The following PCNX2 variants were observed in gnomAD, a reference collection of about 807,000 sequenced individuals.
PCNX2 encodes the protein pecanex 2, also known as pecanex-like protein 2.
PCNX2 carries 168 observed loss-of-function variants against 223.8 expected under a neutral mutation model. The observed-to-expected ratio is 0.75, with a 90% CI of 0.66 to 0.85. The LOEUF (loss-of-function observed/expected upper bound fraction) is 0.85, where lower values mean the gene tolerates loss of function less well. Ranked by LOEUF, PCNX2 falls within the 40% of genes least tolerant of loss-of-function variation. The pLI is 0.00. For missense variants in PCNX2, 2,507 were observed against 2,675.5 expected, an observed-to-expected ratio of 0.94 and a Z score of 1.39; for synonymous variants, 1,006 against 1,052.6, an observed-to-expected ratio of 0.96 and a Z score of 0.86.
Position 233,090,187 on chromosome 1 carries a change from G to C in PCNX2, c.3950C>G (p.Ser1317Cys). The part of the protein sequence containing the change: ...VFAQLFAIPH[S>C]AMLFFQTIAT... ...AATCGTCTGAAAGAAAAGCATGGCA[G>C]AATCTGAGAATGTTGAGTTAAGGCA... Residue 1317 changes from serine (S) to cysteine (C), a missense_variant, in exon 23 of 34, where the codon TCT (serine) becomes TGT (cysteine). Coordinates refer to ENST00000258229, the MANE Select transcript of PCNX2 (RefSeq NM_014801.4). 3 of 1,611,666 alleles carry C rather than the reference G, an allele frequency of 1.9e-6. No individual in the cohort carries two copies. The highest frequency in any genetic ancestry group is 2.5e-6 in the Non-Finnish European group (3 of 1,179,292).
intron 23 of PCNX2, among the ~76,000 whole-genome samples, chr1:233,078,546 G>C: frequency 6.6e-6 from 1 of 152,136 alleles, no homozygotes; most frequent in East Asian, 1.9e-4. Context: ...TTAGAACAGG[G>C]TTCTGCCCTC....
chr1:233,197,902 T>C (rs1045509955), intron 15 of PCNX2, among the ~76,000 whole-genome samples: 1 of 152,238 alleles, frequency 6.6e-6, no homozygotes, highest in African/African-American at 2.4e-5. Flanking sequence ...CTTTTACATT[T>C]AATTTTTGTT....
intron 1 of PCNX2, among the ~76,000 whole-genome samples, chr1:233,293,186 G>A (rs1055845839): frequency 6.6e-6 from 1 of 152,154 alleles, no homozygotes; most frequent in African/African-American, 2.4e-5. Flanking sequence ...CATATGCATA[G>A]GAAAAAACAT....
chr1:233,150,823 G>A (rs1677753740), intron 19 of PCNX2, among the ~76,000 whole-genome samples: 2 of 151,976 alleles, frequency 1.3e-5, no homozygotes, highest in Admixed American at 1.3e-4. Flanking sequence ...AAACTCGGCA[G>A]AATCAGTGTG....
Position 232,986,093 on chromosome 1 carries a change from C to T in PCNX2, c.6239G>A (p.Arg2080Gln), listed in dbSNP as rs764741881. 97 of 1,558,708 alleles carry T rather than the reference C, an allele frequency of 6.2e-5. No homozygotes were observed. Among genetic ancestry groups the T allele is most frequent in the Non-Finnish European group, 8.3e-5 (96 of 1,150,728 alleles). ...GGTGAGCCCTGCCCAGCCCCTTACC[C>T]GAGTGGCCTGGCTGGCAGCCCTGGC... The part of the protein sequence containing the change: ...PSARAASQAT[R>Q]HLSEPCEPPD... The change falls in exon 33 of 34, where the codon CGG (arginine) becomes CAG (glutamine). Residue 2080 changes from arginine (R) to glutamine (Q), a missense_variant and splice_region_variant. Physicochemically the swap from Arg to Gln is conservative, Grantham distance 43. Coordinates refer to ENST00000258229, the MANE Select transcript of PCNX2 (RefSeq NM_014801.4).
intron 23 of PCNX2, among the ~76,000 whole-genome samples, chr1:233,081,550 A>G (rs779488303): frequency 3.3e-5 from 5 of 152,120 alleles, no homozygotes; most frequent in Non-Finnish European, 5.9e-5. Context: ...AAGCATCAGG[A>G]AGCCTCTCTT....
In PCNX2 at chr1:233,215,216, C is replaced by G. The variant is rs369685348; in HGVS notation, c.2691+2683G>C. ...AAATGGGAGGTAATAAATCTGTCTT[C>G]TAAATACCCACATGGTTCAGTCAGA... On this transcript the variant is annotated intron_variant, in intron 12 of 33. Transcript: ENST00000258229. Among the ~76,000 whole-genome samples, 6 of 152,286 alleles carry G rather than the reference C, an allele frequency of 3.9e-5. No individual in the cohort carries two copies. In the East Asian group the frequency reaches 7.7e-4, roughly 20 times the overall value.
intron 12 of PCNX2, chr1:233,211,693 C>T: frequency 1.1e-6 from 1 of 880,780 alleles, no homozygotes; most frequent in Non-Finnish European, 1.4e-6. Context: ...GCCTGGCTTC[C>T]TCTACCAACC....
At chr1:233,083,646 T>C (rs910334726) in intron 23 of PCNX2, among the ~76,000 whole-genome samples, 2 of 152,384 alleles carry the variant, frequency 1.3e-5, no homozygotes, top group African/African-American at 4.8e-5. Context: ...ATTTTTATCA[T>C]TTATTTTGTT....
At chr1:233,198,913 T>TA (rs1680890048) in intron 15 of PCNX2, 26 bp downstream of exon 15, 2 of 1,560,672 alleles carry the variant, frequency 1.3e-6, no homozygotes, top group Admixed American at 3.6e-5. Flanking sequence ...TCGAGAAGGA[T>TA]GAGGGCCCAT....
chr1:233,147,303 A>G (rs1677516582), intron 19 of PCNX2, among the ~76,000 whole-genome samples: 2 of 152,358 alleles, frequency 1.3e-5, no homozygotes, highest in African/African-American at 4.8e-5. Flanking sequence ...TATCTGTTAT[A>G]TGTATTATAT....
At chr1:233,163,553 A>G (rs182668016) in intron 17 of PCNX2, among the ~76,000 whole-genome samples, 1 of 151,776 alleles carries the variant, frequency 6.6e-6, no homozygotes, top group Admixed American at 6.6e-5. Context: ...TATATAACAT[A>G]TATATAATTC....
chr1:233,274,524 G>A (rs1300880037), intron 1 of PCNX2, among the ~76,000 whole-genome samples: 1 of 152,166 alleles, frequency 6.6e-6, no homozygotes, highest in African/African-American at 2.4e-5. Context: ...TACATACCAA[G>A]TTCAAAAGTC....
At chr1:233,269,928 C>A (rs1242489079) in intron 1 of PCNX2, among the ~76,000 whole-genome samples, 1 of 152,212 alleles carries the variant, frequency 6.6e-6, no homozygotes, top group Non-Finnish European at 1.5e-5. Flanking sequence ...ACCACAGGTT[C>A]ATCCAAAAAG....
intron 10 of PCNX2, among the ~76,000 whole-genome samples, chr1:233,225,709 T>C (rs372457549): frequency 5.3e-5 from 8 of 152,232 alleles, no homozygotes; most frequent in African/African-American, 1.9e-4. Context: ...AATCTATAGA[T>C]ACATTTATTT....
rs949581768 is a variant in PCNX2, at chr1:233,250,965, ATTCT to A, written c.2129-137_2129-134del. On this transcript the variant is annotated intron_variant, in intron 7 of 33. Coordinates refer to ENST00000258229, the MANE Select transcript of PCNX2 (RefSeq NM_014801.4). ...TAATAACTGTTGACAATCGGGGTCC[ATTCT>A]TTATATTTCTGCACAGAACATATAT... 1.5e-5 allele frequency: 14 copies of A among 926,190 alleles called. No homozygotes were observed. The African/African-American group carries it at 2.0e-4, about 14-fold the overall frequency. 57.4% of individuals were successfully genotyped at this position (926,190 alleles called of 1,614,324 possible).
chr1:233,130,491 G>GTGTT (rs1676422575), intron 21 of PCNX2, among the ~76,000 whole-genome samples: 1 of 151,390 alleles, frequency 6.6e-6, no homozygotes, highest in Admixed American at 6.6e-5. Flanking sequence ...GTGTGTGTGT[G>GTGTT]TGTGTGTGTG....
rs1051951786 is a variant in PCNX2 at position 232,999,167 on chromosome 1, G to A, written c.5541C>T (p.Asn1847=). The part of the protein sequence containing the change: ...SYLGTHRQLK[N]IWGGPITLDR... ...CCAAAGTGATGGGTCCACCCCAGATGTTCTTCAGCTGCCTGTGTGTCCCTA... is the reference window on the plus strand; with the variant it reads ...CCAAAGTGATGGGTCCACCCCAGATATTCTTCAGCTGCCTGTGTGTCCCTA... Residue 1847 remains asparagine (N), a synonymous_variant, in exon 31 of 34, where the codon AAC becomes AAT. Coordinates refer to ENST00000258229, the MANE Select transcript of PCNX2 (RefSeq NM_014801.4). 6.2e-7 allele frequency: 1 copy of A among 1,613,938 alleles called. No homozygotes were observed. Among genetic ancestry groups the A allele is most frequent in the African/African-American group, 1.3e-5 (1 of 75,064 alleles).
chr1:233,284,828 T>G (rs1661361796), intron 1 of PCNX2, among the ~76,000 whole-genome samples: 1 of 152,088 alleles, frequency 6.6e-6, no homozygotes, highest in Non-Finnish European at 1.5e-5. Flanking sequence ...GTATTTGCCA[T>G]TTCCAAGCAG....
Sources: allele counts gnomAD v4.1 joint callset (sites outside exome capture counted in the v4.1 genomes callset), GRCh38; gene constraint gnomAD v4.1.1; transcripts MANE v1.5; gene names NCBI Gene and HGNC (gene_info 2026-07-23, HGNC 2026-07-21).